FAM53A: variants seen among roughly 807,000 people sequenced by gnomAD.
FAM53A encodes protein FAM53A.
A neutral mutation model predicts 26.6 loss-of-function variants in FAM53A; 28 were observed. The observed-to-expected ratio is 1.05, with a 90% CI of 0.78 to 1.45. FAM53A has a LOEUF of 1.45. Among genes scored for constraint, FAM53A ranks in the 40% most tolerant of loss-of-function variants. FAM53A has a pLI of 0.00. For synonymous variants in FAM53A, 290 were observed against 253.1 expected (o/e 1.15, Z -1.38); for missense variants, 650 against 575.8 (o/e 1.13, Z -1.32).
At chr4:1,616,622 G>A (rs1230133837), downstream of FAM53A, among the ~76,000 whole-genome samples, 2 of 152,252 alleles carry the variant, frequency 1.3e-5, no homozygotes, top group East Asian at 3.8e-4. Flanking sequence ...ATACATTCTT[G>A]AATTGAGCAG....
downstream of FAM53A, among the ~76,000 whole-genome samples, chr4:1,639,187 C>T (rs62286249): frequency 0.2 from 30,292 of 152,056 alleles, 3,605 homozygotes; most frequent in South Asian, 0.27. Context: ...GACCAGTGGC[C>T]GGTGCCCTGG....
chr4:1,603,108 TC>T, the FAM53A span, among the ~76,000 whole-genome samples: 1 of 152,142 alleles, frequency 6.6e-6, no homozygotes, highest in Non-Finnish European at 1.5e-5. Context: ...CGGCTCCTGC[TC>T]GGTGGGAAGC....
At chr4:1,610,192 A>C in the FAM53A span, among the ~76,000 whole-genome samples, 1 of 151,626 alleles carries the variant, frequency 6.6e-6, no homozygotes, top group African/African-American at 2.4e-5. Flanking sequence ...GCCCGTCCAC[A>C]GCAGCTTGTC....
At chr4:1,580,200 C>A in the FAM53A span, 1 of 152,210 alleles carries the variant, frequency 6.6e-6, no homozygotes, top group Non-Finnish European at 1.5e-5. Flanking sequence ...CCACCGTTCC[C>A]GCTGTCATCC....
chr4:1,622,863 C>A (rs1715107248), intron 1 of FAM53A, among the ~76,000 whole-genome samples: 1 of 152,232 alleles, frequency 6.6e-6, no homozygotes, highest in Non-Finnish European at 1.5e-5. Context: ...GGGGCCCCTG[C>A]CAGGGACAGG....
chr4:1,684,859 T>C (rs1488341211), upstream of FAM53A, among the ~76,000 whole-genome samples: 3 of 152,320 alleles, frequency 2.0e-5, no homozygotes, highest in East Asian at 5.8e-4. Context: ...GGGCGGACCG[T>C]GCTGCAGGGC....
chr4:1,617,110 C>CACTCCAGGG (rs1219611208), downstream of FAM53A, among the ~76,000 whole-genome samples: 5 of 151,084 alleles, frequency 3.3e-5, no homozygotes, highest in Non-Finnish European at 7.3e-5. Flanking sequence ...GCACTCCAGG[C>CACTCCAGGG]AACAGAGGGA....
chr4:1,635,962 G>C (rs562320056), downstream of FAM53A, among the ~76,000 whole-genome samples: 1 of 146,774 alleles, frequency 6.8e-6, no homozygotes, highest in Non-Finnish European at 1.5e-5. Context: ...TCCTGCCTCA[G>C]CCTCCCGACT....
the FAM53A span, among the ~76,000 whole-genome samples, chr4:1,598,053 A>G: frequency 6.6e-6 from 1 of 152,162 alleles, no homozygotes; most frequent in Non-Finnish European, 1.5e-5. Flanking sequence ...TCTAAAAGAA[A>G]CACCTGGAAG....
the FAM53A span, among the ~76,000 whole-genome samples, chr4:1,584,661 G>A: frequency 6.6e-6 from 1 of 152,346 alleles, no homozygotes; most frequent in African/African-American, 2.4e-5. Context: ...GAGGCTGGCT[G>A]TCAGCTGGGA....
intron 3 of FAM53A, among the ~76,000 whole-genome samples, 200 bp downstream of exon 3, chr4:1,657,208 G>A (rs971958479): frequency 1.3e-5 from 2 of 152,218 alleles, no homozygotes; most frequent in African/African-American, 2.4e-5. Flanking sequence ...GAGCCGTCCT[G>A]CTCACAGACC....
chr4:1,628,123 G>A (rs916608784), intron 1 of FAM53A, among the ~76,000 whole-genome samples: 3 of 42,666 alleles, frequency 7.0e-5, no homozygotes, highest in East Asian at 5.7e-4. Context: ...GGGCACGCAC[G>A]TGGGCAGGGA....
At chr4:1,604,683 C>A in the FAM53A span, among the ~76,000 whole-genome samples, 1 of 152,166 alleles carries the variant, frequency 6.6e-6, no homozygotes, top group Non-Finnish European at 1.5e-5. Flanking sequence ...ACGGACACGG[C>A]CATCCTCTGG....
intron 1 of FAM53A, among the ~76,000 whole-genome samples, chr4:1,683,141 C>CTA (rs200768665): frequency 6.6e-6 from 1 of 152,212 alleles, no homozygotes; most frequent in East Asian, 1.9e-4. Context: ...GAACTACCAC[C>CTA]TAGTTTTCCT....
At chr4:1,624,124 T>C (rs977458634) in intron 1 of FAM53A, among the ~76,000 whole-genome samples, 4 of 152,218 alleles carry the variant, frequency 2.6e-5, no homozygotes, top group African/African-American at 4.8e-5. Flanking sequence ...CCCTGAGGCA[T>C]AGAAGAGCCC....
At position 1,670,496 on chromosome 4, in the gene FAM53A, G is replaced by A. The variant is rs376978081; in HGVS notation, c.-164-1591C>T. Among the ~76,000 whole-genome samples the A allele has an allele frequency of 1.1e-4, 16 of 152,334 alleles. No homozygotes were observed. The East Asian group carries it at 2.5e-3, about 24-fold the overall frequency. ...GCAGGGTCTGTGCACAGGTCCTGAC[G>A]GGTGCCACCCACCCATGGGGCTGTT... On this transcript the variant is annotated intron_variant, in intron 1 of 4. Transcript: ENST00000308132.
At chr4:1,676,554 C>A (rs897425557) in intron 1 of FAM53A, among the ~76,000 whole-genome samples, 3 of 152,132 alleles carry the variant, frequency 2.0e-5, no homozygotes, top group African/African-American at 7.2e-5. Context: ...TGCTGGCTTA[C>A]AAACCAATAC....
chr4:1,576,557 G>A, the FAM53A span, among the ~76,000 whole-genome samples: 1 of 152,270 alleles, frequency 6.6e-6, no homozygotes, highest in African/African-American at 2.4e-5. Context: ...GGACTCCAAT[G>A]AAAGGAGATT....
intron 1 of FAM53A, among the ~76,000 whole-genome samples, chr4:1,623,506 G>A (rs1325365830): frequency 6.6e-6 from 1 of 152,224 alleles, no homozygotes; most frequent in Non-Finnish European, 1.5e-5. Context: ...GTTCTCGGGA[G>A]TCCACTTGGT....
Sources: gnomAD v4.1 joint callset for allele counts (sites outside exome capture counted in the v4.1 genomes callset) on GRCh38, gnomAD v4.1.1 for gene constraint, MANE v1.5 for transcripts, NCBI Gene and HGNC (gene_info 2026-07-23, HGNC 2026-07-21) for gene names.